The following NEBL variants were observed in gnomAD, a reference collection of about 807,000 sequenced individuals.
NEBL encodes nebulette.
In NEBL, 122 loss-of-function variants were observed where a neutral mutation model predicts 140.2. The observed-to-expected ratio is 0.87, with a 90% CI of 0.75 to 1.01. The LOEUF (loss-of-function observed/expected upper bound fraction) is 1.01, where lower values mean the gene tolerates loss of function less well. Among genes scored for constraint, NEBL ranks in the 50% least tolerant of loss-of-function variants. The pLI, the probability that NEBL is intolerant of heterozygous loss-of-function variation, is 0.00. For synonymous variants in NEBL, 436 were observed against 398.9 expected (o/e 1.09, Z -1.11); for missense variants, 1,365 against 1,231.3 (o/e 1.11, Z -1.62).
chr10:21,077,326 C>A (rs182388484), intron 2 of NEBL, among the ~76,000 whole-genome samples: 1 of 152,116 alleles, frequency 6.6e-6, no homozygotes, highest in African/African-American at 2.4e-5. Context: ...TTTTGCTGGC[C>A]GGGCGCAGTG....
chr10:20,939,120 C>T (rs1445229137), intron 4 of NEBL, among the ~76,000 whole-genome samples: 1 of 152,068 alleles, frequency 6.6e-6, no homozygotes, highest in African/African-American at 2.4e-5. Flanking sequence ...AAGAGCAACT[C>T]CAAGACACAT....
chr10:20,947,140 G>A (rs1240672025), intron 4 of NEBL, among the ~76,000 whole-genome samples: 2 of 152,208 alleles, frequency 1.3e-5, no homozygotes, highest in Non-Finnish European at 2.9e-5. Flanking sequence ...GTTTCTGAAT[G>A]ACTGGGAATT....
intron 4 of NEBL, among the ~76,000 whole-genome samples, chr10:20,947,380 T>C (rs1835220424): frequency 1.3e-5 from 2 of 152,064 alleles, no homozygotes; most frequent in African/African-American, 4.8e-5. Context: ...ACATAGGCTA[T>C]TGTATGAGGG....
At chr10:20,983,659 G>C (rs1837141186) in intron 3 of NEBL, among the ~76,000 whole-genome samples, 1 of 152,182 alleles carries the variant, frequency 6.6e-6, no homozygotes. Context: ...AAAGTAATTG[G>C]TGTGTCCAGG....
At chr10:21,048,195 T>G (rs376450435) in intron 2 of NEBL, among the ~76,000 whole-genome samples, 16 of 152,324 alleles carry the variant, frequency 1.1e-4, no homozygotes, top group African/African-American at 3.8e-4. Flanking sequence ...CCTCGCACGC[T>G]GTCCTCAAAG....
At chr10:20,796,265 A>T (rs1320299781) in intron 26 of NEBL, among the ~76,000 whole-genome samples, 1 of 145,766 alleles carries the variant, frequency 6.9e-6, no homozygotes, top group African/African-American at 2.5e-5. Context: ...CAGGAGGCTG[A>T]GGAGAATCGC....
chr10:21,011,747 AC>A (rs1467021474), intron 3 of NEBL, among the ~76,000 whole-genome samples: 4 of 151,998 alleles, frequency 2.6e-5, no homozygotes, highest in African/African-American at 9.7e-5. Flanking sequence ...GCCTAGCGGT[AC>A]CCCCTGAAGA....
chr10:21,283,708 T>C (rs1564555695), intron 1 of NEBL, among the ~76,000 whole-genome samples: 1 of 152,210 alleles, frequency 6.6e-6, no homozygotes, highest in Non-Finnish European at 1.5e-5. Context: ...TGAATATTCA[T>C]ACCAAGTGGG....
chr10:21,067,134 G>A (rs907423589), intron 2 of NEBL, among the ~76,000 whole-genome samples: 17 of 151,678 alleles, frequency 1.1e-4, no homozygotes, highest in Admixed American at 7.2e-4. Context: ...CACCACGCCC[G>A]GCTAATTTTG....
At chr10:21,124,300 G>C (rs1056998010) in intron 2 of NEBL, among the ~76,000 whole-genome samples, 4 of 152,168 alleles carry the variant, frequency 2.6e-5, no homozygotes, top group Admixed American at 6.5e-5. Context: ...CACTAACAAA[G>C]ATTAGGGAAA....
At chr10:21,189,997 AATTGAGGTGTTT>A (rs1163145251) in intron 3 of NEBL, among the ~76,000 whole-genome samples, 1 of 152,110 alleles carries the variant, frequency 6.6e-6, no homozygotes, top group Non-Finnish European at 1.5e-5. Flanking sequence ...ATCATCCCAG[AATTGAGGTGTTT>A]TGGATTAAAG....
chr10:20,806,331 A>G (rs1296967225), intron 26 of NEBL, among the ~76,000 whole-genome samples: 3 of 152,162 alleles, frequency 2.0e-5, no homozygotes, highest in Non-Finnish European at 4.4e-5. Flanking sequence ...ATGATTTCCA[A>G]ACTGACCTCG....
chr10:20,840,628 C>T, intron 13 of NEBL, 111 bp downstream of exon 13: 6 of 754,224 alleles, frequency 8.0e-6, no homozygotes, highest in Non-Finnish European at 1.4e-5. Context: ...TAGCTGTTTA[C>T]AATCACTTAC....
At chr10:21,029,584 G>A in intron 2 of NEBL, 4 of 1,591,172 alleles carry the variant, frequency 2.5e-6, no homozygotes, top group South Asian at 2.2e-5. Context: ...TGACAAAACA[G>A]ATACAGACTG....
At chr10:21,125,689 T>C in intron 2 of NEBL, 1 of 593,850 alleles carries the variant, frequency 1.7e-6, no homozygotes, top group Non-Finnish European at 3.0e-6. Context: ...AAAAGCACAC[T>C]CCTTCCTCCC....
chr10:21,101,739 G>A (rs921905342), intron 2 of NEBL, among the ~76,000 whole-genome samples: 1 of 152,124 alleles, frequency 6.6e-6, no homozygotes, highest in Non-Finnish European at 1.5e-5. Context: ...GGAGTGTCAA[G>A]CACGCCACTA....
chr10:20,902,449 C>T (rs957390188), intron 4 of NEBL, among the ~76,000 whole-genome samples: 2 of 152,026 alleles, frequency 1.3e-5, no homozygotes, highest in East Asian at 1.9e-4. Context: ...TATGTATATT[C>T]CCCTTTTCAC....
At chr10:21,063,914 CA>C (rs1041498020) in intron 2 of NEBL, among the ~76,000 whole-genome samples, 2 of 111,558 alleles carry the variant, frequency 1.8e-5, no homozygotes, top group East Asian at 2.4e-4. Context: ...TAAATATAAA[CA>C]AAAAAAATTA....
At chr10:21,133,089 A>G (rs575815025) in intron 2 of NEBL, among the ~76,000 whole-genome samples, 118 of 152,214 alleles carry the variant, frequency 7.8e-4, no homozygotes, top group Non-Finnish European at 1.4e-3. Context: ...TTCCTCTTAG[A>G]GTGTTTTAGC....
Sources: gnomAD v4.1 joint callset for allele counts (sites outside exome capture counted in the v4.1 genomes callset) on GRCh38, gnomAD v4.1.1 for gene constraint, MANE v1.5 for transcripts, NCBI Gene and HGNC (gene_info 2026-07-23, HGNC 2026-07-21) for gene names.